Variants in NBAS observed in about 807,000 individuals in gnomAD.
NBAS encodes NAG/BC035112 fusion.
A neutral mutation model predicts 302.5 loss-of-function variants in NBAS; 219 were observed. The ratio of observed to expected loss-of-function variants is 0.72; its 90% CI spans 0.65 to 0.81. The LOEUF (loss-of-function observed/expected upper bound fraction) is 0.81, where lower values mean the gene tolerates loss of function less well. Among genes scored for constraint, NBAS ranks in the 30% least tolerant of loss-of-function variants. The pLI is 0.00. For missense variants in NBAS, 2,932 were observed against 2,841.6 expected, an observed-to-expected ratio of 1.03 and a Z score of -0.72; for synonymous variants, 1,118 against 1,021.6, an observed-to-expected ratio of 1.09 and a Z score of -1.80.
the NBAS span, among the ~76,000 whole-genome samples, chr2:15,148,820 T>C: frequency 1.3e-5 from 2 of 152,172 alleles, no homozygotes; most frequent in Non-Finnish European, 2.9e-5. Flanking sequence ...TGATGATAGT[T>C]TTCTCTTTAC....
intron 21 of NBAS, among the ~76,000 whole-genome samples, chr2:15,436,948 A>G (rs1285127513): frequency 1.3e-5 from 2 of 152,208 alleles, no homozygotes; most frequent in Non-Finnish European, 2.9e-5. Flanking sequence ...AGAATGGATG[A>G]TTATGTATAA....
At chr2:15,198,632 G>A (rs1265976844) in intron 48 of NBAS, among the ~76,000 whole-genome samples, 1 of 152,192 alleles carries the variant, frequency 6.6e-6, no homozygotes, top group Non-Finnish European at 1.5e-5. Flanking sequence ...TCCAAAGGTT[G>A]AAAATACTGA....
At chr2:14,989,310 T>C in the NBAS span, among the ~76,000 whole-genome samples, 1 of 151,760 alleles carries the variant, frequency 6.6e-6, no homozygotes, top group African/African-American at 2.4e-5. Flanking sequence ...TGTGTGTGTG[T>C]GTGTGTGTGT....
the NBAS span, among the ~76,000 whole-genome samples, chr2:15,082,205 CAT>C: frequency 1.3e-5 from 2 of 152,184 alleles, no homozygotes; most frequent in African/African-American, 4.8e-5. Flanking sequence ...TTGTAACACC[CAT>C]GACTCCACGT....
the NBAS span, among the ~76,000 whole-genome samples, chr2:15,043,585 A>G: frequency 2.0e-5 from 3 of 152,280 alleles, no homozygotes; most frequent in South Asian, 2.1e-4. Context: ...TTTAAACAGC[A>G]TCACATGCCT....
intron 21 of NBAS, among the ~76,000 whole-genome samples, chr2:15,460,671 C>G (rs968789354): frequency 3.9e-5 from 6 of 152,172 alleles, no homozygotes; most frequent in African/African-American, 9.7e-5. Flanking sequence ...TAGGCTTTGA[C>G]ACTATATCAC....
At chr2:15,503,557 C>G (rs1302667630) in intron 11 of NBAS, among the ~76,000 whole-genome samples, 1 of 151,956 alleles carries the variant, frequency 6.6e-6, no homozygotes, top group East Asian at 1.9e-4. Flanking sequence ...GAAAGTCAAA[C>G]AGAGAAACAA....
chr2:14,984,054 T>G, the NBAS span, among the ~76,000 whole-genome samples: 180 of 152,246 alleles, frequency 1.2e-3, 1 homozygote, highest in Admixed American at 3.3e-3. Flanking sequence ...TCAGAACATT[T>G]TATCAACAAA....
chr2:15,300,315 A>G lies in NBAS; in HGVS notation c.4798-7549T>C, dbSNP rs575253287. Among the ~76,000 whole-genome samples, 8 of 152,336 alleles carry G rather than the reference A, an allele frequency of 5.3e-5. No homozygotes were observed. The South Asian group carries it at 1.7e-3, about 32-fold the overall frequency. On this transcript the variant is annotated intron_variant, in intron 40 of 51. Transcript: ENST00000281513. ...TGAAAGCTAAGCTTCACTGGGTGTT[A>G]TTATGTGCAGGCAACAAATTGAAAC...
the NBAS span, among the ~76,000 whole-genome samples, chr2:14,981,064 G>GAA: frequency 6.8e-6 from 1 of 147,668 alleles, no homozygotes; most frequent in African/African-American, 2.5e-5. Context: ...AAAATGAGAG[G>GAA]AAAAAAAAAC....
chr2:14,883,969 C>G, the NBAS span, among the ~76,000 whole-genome samples: 1 of 126,692 alleles, frequency 7.9e-6, no homozygotes, highest in Non-Finnish European at 1.7e-5. Flanking sequence ...AAGACCTTCT[C>G]TCAAAAAAAA....
At chr2:15,146,364 C>A in the NBAS span, among the ~76,000 whole-genome samples, 1 of 152,146 alleles carries the variant, frequency 6.6e-6, no homozygotes, top group Non-Finnish European at 1.5e-5. Context: ...TGAGTTAAAT[C>A]TGATTTCAGG....
chr2:15,015,802 CGAAA>C, the NBAS span, among the ~76,000 whole-genome samples: 1 of 151,780 alleles, frequency 6.6e-6, no homozygotes, highest in African/African-American at 2.4e-5. Flanking sequence ...AATTAGACAA[CGAAA>C]GAAAGAAAGA....
chr2:15,135,559 G>A, the NBAS span, among the ~76,000 whole-genome samples: 129 of 152,274 alleles, frequency 8.5e-4, no homozygotes, highest in African/African-American at 3.1e-3. Context: ...GTTGGTTGGG[G>A]TGAAGGTTGT....
chr2:15,404,818 G>A (rs1572795333), intron 25 of NBAS, among the ~76,000 whole-genome samples: 2 of 152,090 alleles, frequency 1.3e-5, no homozygotes, highest in African/African-American at 4.8e-5. Context: ...CGGCCCTAAA[G>A]AACCACTTTT....
chr2:15,169,643 G>A (rs1282759522), intron 51 of NBAS, among the ~76,000 whole-genome samples: 2 of 152,182 alleles, frequency 1.3e-5, no homozygotes, highest in Non-Finnish European at 2.9e-5. Context: ...TCTCGGCCTA[G>A]TTTACTTGTT....
the NBAS span, among the ~76,000 whole-genome samples, chr2:14,789,797 A>G: frequency 1.3e-5 from 2 of 152,222 alleles, no homozygotes; most frequent in African/African-American, 4.8e-5. Context: ...ACTGAGCACA[A>G]TTAAGGAAAG....
At chr2:15,415,395 T>C in intron 25 of NBAS, 151 bp downstream of exon 25, 1 of 756,522 alleles carries the variant, frequency 1.3e-6, no homozygotes, top group Non-Finnish European at 2.2e-6. Context: ...GACTATGCTG[T>C]TAAAACTTTT....
chr2:15,062,344 T>G, the NBAS span, among the ~76,000 whole-genome samples: 1 of 152,180 alleles, frequency 6.6e-6, no homozygotes, highest in Admixed American at 6.5e-5. Flanking sequence ...TCGGTCAAGC[T>G]GCACAGAGCG....
Sources: gnomAD v4.1 joint callset for allele counts (sites outside exome capture counted in the v4.1 genomes callset) on GRCh38, gnomAD v4.1.1 for gene constraint, MANE v1.5 for transcripts, NCBI Gene and HGNC (gene_info 2026-07-23, HGNC 2026-07-21) for gene names.